Variants in TYMP observed in about 807,000 individuals in gnomAD.
TYMP encodes thymidine phosphorylase.
TYMP carries 46 observed loss-of-function variants against 42.3 expected under a neutral mutation model. That is an observed-to-expected ratio of 1.09 (90% confidence interval 0.86 to 1.39). The LOEUF is 1.39. TYMP is among the 40% of genes most tolerant of loss of function. The pLI is 0.00. For synonymous variants in TYMP, 363 were observed against 308.0 expected, an observed-to-expected ratio of 1.18 and a Z score of -1.87; for missense variants, 837 against 677.6, an observed-to-expected ratio of 1.24 and a Z score of -2.61.
At chr22:50,527,768 C>CTTTTTTTTTTTTTTTTTTTTTTTTTT in intron 4 of TYMP, 51 bp from the exon 5 acceptor site, 1 of 1,226,354 alleles carries the variant, frequency 8.2e-7, no homozygotes, top group Non-Finnish European at 1.1e-6. Context: ...GACTTAGCAG[C>CTTTTTTTTTTTTTTTTTTTTTTTTTT]TTTTTTTTTT....
chr22:50,526,990 C>G (rs2069412982), intron 6 of TYMP, among the ~76,000 whole-genome samples, 175 bp downstream of exon 6: 1 of 152,174 alleles, frequency 6.6e-6, no homozygotes, highest in Non-Finnish European at 1.5e-5. Flanking sequence ...GCCTTGACCT[C>G]TAAAGTCACA....
rs751803871 is a variant in TYMP at position 50,528,596 on chromosome 22, G to T, written c.432C>A (p.Ser144Arg). 3 of 1,613,416 alleles carry T rather than the reference G, an allele frequency of 1.9e-6. No homozygotes were observed. The African/African-American group carries it at 4.0e-5, about 22-fold the overall frequency. ...AACGCKVPMI[S>R]GRGLGHTGGT... ...CTCCTGTGTGCCCCAGACCACGTCC[G>T]CTGATCATTGGCACCTGGTGGTCAG... The change falls in exon 4 of 10, where the codon AGC becomes AGA. Residue 144 changes from serine (S) to arginine (R), a missense_variant. Coordinates refer to ENST00000252029, the MANE Select transcript of TYMP (RefSeq NM_001953.5).
Position 50,526,484 on chromosome 22 carries a change from CG to C in TYMP, c.929-9del. On this transcript the variant is annotated splice_polypyrimidine_tract_variant and intron_variant, in intron 7 of 9. Transcript: ENST00000252029. ...GCCAGAGCAGGGCGCCCCCTGCGGGCGGGGACGGGTCTTAGGCGCGGCCGGG... is the reference window on the plus strand; with the variant it reads ...GCCAGAGCAGGGCGCCCCCTGCGGGCGGGACGGGTCTTAGGCGCGGCCGGG... 1 of 1,486,582 alleles carries C rather than the reference CG, an allele frequency of 6.7e-7. No individual in the cohort carries two copies. Among genetic ancestry groups the C allele is most frequent in the Non-Finnish European group, 8.9e-7 (1 of 1,121,866 alleles). The allele number at this position is 1,486,582 out of a possible 1,614,324, so 92.1% of individuals were successfully genotyped here.
intron 4 of TYMP, chr22:50,528,278 T>C (rs959433983): frequency 6.7e-6 from 4 of 596,548 alleles, no homozygotes; most frequent in Non-Finnish European, 1.2e-5. Context: ...GTGCTAGGAC[T>C]ACAGGTGTGA....
rs763471000 is a variant in TYMP at position 50,527,247 on chromosome 22, G to C, written c.683C>G (p.Ser228Cys). 1.1e-5 allele frequency: 18 copies of C among 1,613,640 alleles called. No individual in the cohort carries two copies. The Admixed American group carries it at 2.8e-4, about 25-fold the overall frequency. Residue 228 changes from serine (S) to cysteine (C), a missense_variant, in exon 6 of 10, where the codon TCC becomes TGC. Physicochemically the swap from Ser to Cys is moderately radical, Grantham distance 112. Coordinates refer to ENST00000252029, the MANE Select transcript of TYMP (RefSeq NM_001953.5). ...GAACTTAACGTCCACCACCAGAGCG[G>C]ACAGCCCCTCCACGAGTTTCTTACT... is the stretch of plus-strand genomic sequence containing the variant. ...ILSKKLVEGL[S>C]ALVVDVKFGG... is the part of the protein sequence containing the mutation.
In TYMP at chr22:50,527,682, G is replaced by A. The variant is rs1381071657; in HGVS notation, c.552C>T (p.Ile184=). The A allele has an allele frequency of 1.9e-6, 3 of 1,613,360 alleles. No individual in the cohort carries two copies. The highest frequency in any genetic ancestry group is 2.7e-5 in the African/African-American group (2 of 74,796). The change falls in exon 5 of 10, where the codon ATC becomes ATT. Residue 184 remains isoleucine (I), a synonymous_variant. Transcript: ENST00000252029. The stretch of plus-strand genomic sequence containing the variant: ...GAACCAGCTGCTCACTCTGACCCAC[G>A]ATACAGCAGCCCGCCTGGTCCAGCA... The part of the protein sequence containing the change: ...QVLLDQAGCC[I]VGQSEQLVPA...
Position 50,529,303 on chromosome 22 carries a change from C to A in TYMP, c.250G>T (p.Asp84Tyr). 1 of 1,613,438 alleles carries A rather than the reference C, an allele frequency of 6.2e-7. No individual in the cohort carries two copies. Among genetic ancestry groups the A allele is most frequent in the Non-Finnish European group, 8.5e-7 (1 of 1,180,012 alleles). ...GTCAGCACCGAGGTCTCCTCCAGATCCATGCCCCGAAGTCGGATGGCCATC... is the reference window on the plus strand; with the variant it reads ...GTCAGCACCGAGGTCTCCTCCAGATACATGCCCCGAAGTCGGATGGCCATC... ...MLMAIRLRGM[D>Y]LEETSVLTQA... Residue 84 changes from aspartate to tyrosine, a missense_variant, in exon 3 of 10, where the codon GAT becomes TAT. Physicochemically the swap from Asp to Tyr is radical, Grantham distance 160 (BLOSUM62 -3). Transcript: ENST00000252029.
rs543304163 is a variant in TYMP at position 50,528,635 on chromosome 22, C to T, written c.418-25G>A. ...CCTGGTGGTCAGGGATGCTGAGTAC[C>T]CTGCACAGTACCCCTCCCCCACCTC... is the stretch of plus-strand genomic sequence containing the variant. On this transcript the variant is annotated intron_variant, in intron 3 of 9. Coordinates refer to ENST00000252029, the MANE Select transcript of TYMP (RefSeq NM_001953.5). 23 of 1,571,918 alleles carry T rather than the reference C, an allele frequency of 1.5e-5. No individual in the cohort carries two copies. In the South Asian group the frequency reaches 2.6e-4, roughly 18 times the overall value.
rs780757016 is a variant in TYMP, at chr22:50,528,498, G to A, written c.516+14C>T. On this transcript the variant is annotated intron_variant, in intron 4 of 9. Coordinates refer to ENST00000252029, the MANE Select transcript of TYMP (RefSeq NM_001953.5). ...ATCAACCTGGATTAATGACTGATCC[G>A]TGGCGCCCCGTACCTGCTCTGGGCT... The A allele has an allele frequency of 5.4e-5, 87 of 1,609,634 alleles. No individual in the cohort carries two copies. The highest frequency in any genetic ancestry group is 6.5e-5 in the Non-Finnish European group (77 of 1,176,614).
intron 4 of TYMP, 186 bp from the exon 5 acceptor site, chr22:50,527,903 T>A: frequency 1.5e-6 from 1 of 660,812 alleles, no homozygotes; most frequent in Non-Finnish European, 2.6e-6. Flanking sequence ...AGCTTCCCAG[T>A]AGCTGGGACT....
intron 5 of TYMP, 124 bp from the exon 6 acceptor site, chr22:50,527,407 G>T (rs1374790848): frequency 3.2e-6 from 4 of 1,239,938 alleles, no homozygotes; most frequent in Non-Finnish European, 3.6e-6. Flanking sequence ...TATTATGGGG[G>T]TGGCAGCACC....
chr22:50,526,823 C>G (rs1479923498), intron 6 of TYMP, 85 bp from the exon 7 acceptor site: 1 of 1,404,636 alleles, frequency 7.1e-7, no homozygotes, highest in Non-Finnish European at 9.6e-7. Flanking sequence ...CCTGCTGCAC[C>G]CTGGGTTGCC....
In TYMP at chr22:50,526,094, C is replaced by A; in HGVS notation, c.1207G>T (p.Glu403Ter). 6.7e-7 allele frequency: 1 copy of A among 1,486,448 alleles called. No individual in the cohort carries two copies. The highest frequency in any genetic ancestry group is 8.9e-7 in the Non-Finnish European group (1 of 1,126,482). The allele number at this position is 1,486,448 out of a possible 1,614,324, so 92.1% of individuals were successfully genotyped here. ...GCGCGGCTGCGCCCGGCCCCGAGCTCGTGCAGCACCAGCGCCAGCGGCAGC... is the reference window on the plus strand; with the variant it reads ...GCGCGGCTGCGCCCGGCCCCGAGCTAGTGCAGCACCAGCGCCAGCGGCAGC... Reference protein sequence around the residue: ...RALPLALVLHELGAGRSRAGE... With the variant: ...RALPLALVLH The change falls in exon 9 of 10, where the codon GAG becomes TAG. Residue 403 changes from glutamate (E) to a stop codon, truncating the protein, a stop_gained. Transcript: ENST00000252029. LOFTEE classifies it high-confidence loss of function.
Position 50,529,962 on chromosome 22 carries a change from C to T in TYMP, c.-69G>A, listed in dbSNP as rs1254678473. The T allele has an allele frequency of 1.2e-5, 7 of 575,674 alleles. No individual in the cohort carries two copies. Among genetic ancestry groups the T allele is most frequent in the South Asian group, 6.2e-5 (3 of 48,182 alleles). The allele number at this position is 575,674 out of a possible 1,614,324, so 35.7% of individuals were successfully genotyped here. On this transcript the variant is annotated 5_prime_UTR_variant, in exon 1 of 10. Coordinates refer to ENST00000252029, the MANE Select transcript of TYMP (RefSeq NM_001953.5). ...GGATCCCAGCCCAGGTACCCGGCCT[C>T]GCCCGCGGGTCGGGACCGTAGGGTT...
Position 50,526,642 on chromosome 22 carries a change from C to A in TYMP, c.862G>T (p.Glu288Ter). 1 of 1,569,258 alleles carries A rather than the reference C, an allele frequency of 6.4e-7. No individual in the cohort carries two copies. Among genetic ancestry groups the A allele is most frequent in the Non-Finnish European group, 8.6e-7 (1 of 1,159,106 alleles). The change falls in exon 7 of 10, where the codon GAG (glutamate) becomes TAG (stop). Residue 288 changes from glutamate (E) to a stop codon, truncating the protein, a stop_gained. Coordinates refer to ENST00000252029, the MANE Select transcript of TYMP (RefSeq NM_001953.5). LOFTEE classifies it high-confidence loss of function. Reference sequence around the variant, plus strand: ...CCGTCCATGCAGAGCAGCGCCTCCTCCACCTCCAGGGCGTGGCCCACGCAG... The same window carrying A: ...CCGTCCATGCAGAGCAGCGCCTCCTACACCTCCAGGGCGTGGCCCACGCAG... ...GRCVGHALEV[E>*]EALLCMDGAG...
Position 50,526,366 on chromosome 22 carries a change from G to T in TYMP, c.1039C>A (p.Leu347Met). Residue 347 changes from leucine to methionine, a missense_variant, in exon 8 of 10, where the codon CTG becomes ATG. By Grantham distance (15) the Leu-to-Met change is conservative. Coordinates refer to ENST00000252029, the MANE Select transcript of TYMP (RefSeq NM_001953.5). ...GSALGRFERM[L>M]AAQGVDPGLA... ...CCGGGATCCACGCCCTGCGCCGCCA[G>T]CATCCGCTCGAAGCGGCCAAGGGCC... 1 of 1,543,572 alleles carries T rather than the reference G, an allele frequency of 6.5e-7. No individual in the cohort carries two copies. The highest frequency in any genetic ancestry group is 1.9e-5 in the Admixed American group (1 of 53,124).
chr22:50,527,801 G>A (rs1603441952), intron 4 of TYMP, 84 bp from the exon 5 acceptor site: 1 of 1,527,434 alleles, frequency 6.5e-7, no homozygotes, highest in South Asian at 1.1e-5. Context: ...TCTGTGAAGA[G>A]TCTTCCTCTG....
chr22:50,526,814 C>T, intron 6 of TYMP, 76 bp from the exon 7 acceptor site: 5 of 1,448,824 alleles, frequency 3.5e-6, no homozygotes, highest in Non-Finnish European at 4.6e-6. Flanking sequence ...ACTCCAGCCC[C>T]TGCTGCACCC....
chr22:50,528,887 GA>G, intron 3 of TYMP: 3 of 616,060 alleles, frequency 4.9e-6, no homozygotes, highest in Non-Finnish European at 8.7e-6. Context: ...GACCCAAGGG[GA>G]AAGGGGTCTG....
Sources: allele counts gnomAD v4.1 joint callset (sites outside exome capture counted in the v4.1 genomes callset), GRCh38; gene constraint gnomAD v4.1.1; transcripts MANE v1.5; gene names NCBI Gene and HGNC (gene_info 2026-07-23, HGNC 2026-07-21).